Variants in TRIM75 observed in about 807,000 individuals in gnomAD.
TRIM75 encodes the protein tripartite motif-containing protein 75.
chr4:165,055,581 C>T, the TRIM75 span, among the ~76,000 whole-genome samples: 42 of 147,614 alleles, frequency 2.8e-4, no homozygotes, highest in African/African-American at 7.3e-4. Context: ...CTGTGCCCGG[C>T]GATAACTACA....
At chr4:165,056,308 T>TA in the TRIM75 span, among the ~76,000 whole-genome samples, 27 of 151,772 alleles carry the variant, frequency 1.8e-4, no homozygotes, top group Admixed American at 5.2e-4. Flanking sequence ...TTTTTTTTTT[T>TA]TAAAGAAGTG....
At chr4:165,056,415 C>T in the TRIM75 span, among the ~76,000 whole-genome samples, 1 of 151,894 alleles carries the variant, frequency 6.6e-6, no homozygotes, top group Admixed American at 6.6e-5. Context: ...ACTGTCCCTT[C>T]ACTAGATCCT....
the TRIM75 span, chr4:165,060,357 CTGT>C: frequency 1.3e-6 from 1 of 780,818 alleles, no homozygotes; most frequent in African/African-American, 1.7e-5. Flanking sequence ...TCCAACCCCT[CTGT>C]TGTTAGAGGT....
chr4:165,059,711 G>T, the TRIM75 span: 1 of 780,910 alleles, frequency 1.3e-6, no homozygotes. Context: ...CTGAATTTGA[G>T]CACCTCAACC....
the TRIM75 span, chr4:165,059,357 G>T: frequency 1.3e-6 from 1 of 780,638 alleles, no homozygotes; most frequent in South Asian, 1.3e-5. Flanking sequence ...GCAACACCCA[G>T]CTGGGAAGGA....
the TRIM75 span, among the ~76,000 whole-genome samples, chr4:165,057,662 T>G: frequency 3.3e-5 from 5 of 152,164 alleles, no homozygotes; most frequent in Non-Finnish European, 5.9e-5. Context: ...GCCTCCCAAG[T>G]AGCTATTACA....
the TRIM75 span, chr4:165,060,091 G>C: frequency 2.6e-6 from 2 of 780,744 alleles, no homozygotes; most frequent in Non-Finnish European, 4.8e-6. Flanking sequence ...GATAAAAAAC[G>C]TGTGAGATTT....
the TRIM75 span, chr4:165,060,420 T>G: frequency 2.6e-6 from 2 of 780,918 alleles, no homozygotes; most frequent in Admixed American, 3.4e-5. Context: ...GGGTGAGATC[T>G]CATTCTATAA....
the TRIM75 span, chr4:165,059,535 G>T: frequency 1.3e-6 from 1 of 780,922 alleles, no homozygotes; most frequent in Non-Finnish European, 2.4e-6. Flanking sequence ...GGGCCACCAT[G>T]TGAGGCCCAT....
chr4:165,054,719 G>A, the TRIM75 span, among the ~76,000 whole-genome samples: 2 of 152,092 alleles, frequency 1.3e-5, no homozygotes, highest in Admixed American at 6.6e-5. Context: ...ATTTTAAAAC[G>A]CACGCCATTT....
At chr4:165,057,516 A>G in the TRIM75 span, among the ~76,000 whole-genome samples, 1 of 152,090 alleles carries the variant, frequency 6.6e-6, no homozygotes, top group African/African-American at 2.4e-5. Flanking sequence ...AAAACTTTTT[A>G]AGTATTTTTT....
chr4:165,055,414 A>G, the TRIM75 span, among the ~76,000 whole-genome samples: 1 of 151,524 alleles, frequency 6.6e-6, no homozygotes, highest in Non-Finnish European at 1.5e-5. Flanking sequence ...CCTCCCGAGT[A>G]GCTGGGATTA....
chr4:165,057,346 A>C, the TRIM75 span, among the ~76,000 whole-genome samples: 7 of 152,096 alleles, frequency 4.6e-5, no homozygotes, highest in African/African-American at 1.7e-4. Flanking sequence ...CTCTAGAAAA[A>C]ATAACAAGAA....
At chr4:165,054,651 C>T in the TRIM75 span, among the ~76,000 whole-genome samples, 8 of 152,040 alleles carry the variant, frequency 5.3e-5, no homozygotes, top group Non-Finnish European at 1.0e-4. Context: ...CCGCCTGCCT[C>T]GGCCTCCCAA....
the TRIM75 span, among the ~76,000 whole-genome samples, chr4:165,056,286 T>A: frequency 2.2e-5 from 3 of 136,790 alleles, no homozygotes; most frequent in African/African-American, 6.0e-5. Flanking sequence ...ATAAATAAGT[T>A]AATAAAAATG....
the TRIM75 span, among the ~76,000 whole-genome samples, chr4:165,054,914 T>A: frequency 3.9e-5 from 6 of 152,134 alleles, no homozygotes; most frequent in South Asian, 2.1e-4. Context: ...TTCCAGGATG[T>A]AGCAGTGAGG....
chr4:165,060,086 AAAACG>A, the TRIM75 span: 1 of 780,900 alleles, frequency 1.3e-6, no homozygotes, highest in Admixed American at 1.7e-5. Flanking sequence ...CTGAAGATAA[AAAACG>A]TGTGAGATTT....
the TRIM75 span, chr4:165,059,267 C>G: frequency 1.3e-6 from 1 of 780,466 alleles, no homozygotes; most frequent in South Asian, 1.3e-5. Context: ...GTTCCTGCAT[C>G]CAACAGTCCT....
At chr4:165,057,930 T>C in the TRIM75 span, among the ~76,000 whole-genome samples, 1 of 152,242 alleles carries the variant, frequency 6.6e-6, no homozygotes, top group Admixed American at 6.5e-5. Flanking sequence ...GGGAATATGT[T>C]CAGTTTTTGT....
Sources: gnomAD v4.1 joint callset for allele counts (sites outside exome capture counted in the v4.1 genomes callset) on GRCh38, gnomAD v4.1.1 for gene constraint, MANE v1.5 for transcripts, NCBI Gene and HGNC (gene_info 2026-07-23, HGNC 2026-07-21) for gene names.